The following LRRC72 variants were observed in gnomAD, a reference collection of about 807,000 sequenced individuals.
The protein encoded by LRRC72 is leucine rich repeat containing 72.
LRRC72 carries 41 observed loss-of-function variants against 35.8 expected under a neutral mutation model. The observed-to-expected ratio is 1.15, with a 90% CI of 0.89 to 1.49. The LOEUF (loss-of-function observed/expected upper bound fraction) is 1.49. LRRC72 is among the 40% of genes most tolerant of loss of function. The pLI is 0.00. For missense variants in LRRC72, 389 were observed against 330.7 expected, an observed-to-expected ratio of 1.18 and a Z score of -1.37; for synonymous variants, 118 against 119.2, an observed-to-expected ratio of 0.99 and a Z score of 0.07.
intron 5 of LRRC72, among the ~76,000 whole-genome samples, chr7:16,564,076 G>A (rs1007791177): frequency 1.3e-5 from 2 of 152,158 alleles, no homozygotes; most frequent in Non-Finnish European, 2.9e-5. Flanking sequence ...TCCTCAGAGG[G>A]GAAAGAGAAG....
At chr7:16,556,110 A>G (rs1276687471) in intron 3 of LRRC72, among the ~76,000 whole-genome samples, 5 of 152,174 alleles carry the variant, frequency 3.3e-5, no homozygotes, top group Admixed American at 6.5e-5. Context: ...GGGTACCAGA[A>G]TGATTTCTGA....
intron 7 of LRRC72, among the ~76,000 whole-genome samples, chr7:16,570,249 C>T (rs1782920956): frequency 6.6e-6 from 1 of 152,092 alleles, no homozygotes; most frequent in Non-Finnish European, 1.5e-5. Context: ...TAGGTTATGA[C>T]AAACATGAGT....
intron 7 of LRRC72, among the ~76,000 whole-genome samples, chr7:16,570,026 T>A (rs2128338547): frequency 6.6e-6 from 1 of 150,966 alleles, no homozygotes; most frequent in Non-Finnish European, 1.5e-5. Flanking sequence ...GGAGATTCCT[T>A]CTCAAAAAAG....
At chr7:16,574,093 CAAT>C (rs1467609817) in intron 7 of LRRC72, among the ~76,000 whole-genome samples, 1 of 152,128 alleles carries the variant, frequency 6.6e-6, no homozygotes, top group Non-Finnish European at 1.5e-5. Context: ...ATAAAAACAA[CAAT>C]GAGATACCAA....
intron 1 of LRRC72, among the ~76,000 whole-genome samples, chr7:16,527,418 G>A (rs1181657092): frequency 6.6e-6 from 1 of 151,982 alleles, no homozygotes; most frequent in Non-Finnish European, 1.5e-5. Context: ...GTGAAACGGA[G>A]ATTAAGTAAA....
intron 1 of LRRC72, among the ~76,000 whole-genome samples, chr7:16,528,682 T>G (rs1481669531): frequency 6.6e-6 from 1 of 152,134 alleles, no homozygotes; most frequent in Non-Finnish European, 1.5e-5. Context: ...CAGTTCTCAC[T>G]GCACACCAGG....
At chr7:16,561,801 G>A (rs1364008960) in intron 5 of LRRC72, among the ~76,000 whole-genome samples, 2 of 152,170 alleles carry the variant, frequency 1.3e-5, no homozygotes, top group Non-Finnish European at 2.9e-5. Context: ...GACAACTAAC[G>A]TTATTTGTGC....
At chr7:16,532,886 T>C (rs1480589425) in intron 2 of LRRC72, 2 of 329,902 alleles carry the variant, frequency 6.1e-6, no homozygotes, top group Admixed American at 4.3e-5. Context: ...GGACATCCAG[T>C]TGAATTTGAA....
At chr7:16,551,729 T>C (rs1163370911) in intron 3 of LRRC72, among the ~76,000 whole-genome samples, 1 of 151,654 alleles carries the variant, frequency 6.6e-6, no homozygotes, top group Non-Finnish European at 1.5e-5. Flanking sequence ...CCTTGCCCTA[T>C]GCAGCTCTTC....
intron 1 of LRRC72, chr7:16,530,572 C>T (rs536175478): frequency 6.6e-6 from 1 of 152,334 alleles, no homozygotes; most frequent in African/African-American, 2.4e-5. Context: ...GACCACTTCT[C>T]TATATTTTGA....
chr7:16,543,614 C>T (rs900527582), intron 3 of LRRC72, among the ~76,000 whole-genome samples: 1 of 152,186 alleles, frequency 6.6e-6, no homozygotes, highest in African/African-American at 2.4e-5. Flanking sequence ...CTGTCTAAGC[C>T]AACCAGAATA....
chr7:16,546,557 A>C (rs185925857), intron 3 of LRRC72, among the ~76,000 whole-genome samples: 92 of 152,228 alleles, frequency 6.0e-4, no homozygotes, highest in African/African-American at 2.1e-3. Context: ...ACCTAAGTGA[A>C]AACATGTCAC....
chr7:16,558,864 T>C (rs1402621337), intron 4 of LRRC72, 25 bp from the exon 5 acceptor site: 11 of 1,318,918 alleles, frequency 8.3e-6, no homozygotes, highest in Non-Finnish European at 1.1e-5. Flanking sequence ...TTTAAAATCT[T>C]GTAAAAATAT....
At chr7:16,568,163 C>A (rs1052582737) in intron 7 of LRRC72, among the ~76,000 whole-genome samples, 3 of 152,100 alleles carry the variant, frequency 2.0e-5, no homozygotes, top group African/African-American at 7.2e-5. Flanking sequence ...GCATAAAGTT[C>A]TACAATGTTG....
chr7:16,557,328 A>G, intron 3 of LRRC72, 32 bp from the exon 4 acceptor site: 1 of 754,464 alleles, frequency 1.3e-6, no homozygotes, highest in Non-Finnish European at 1.9e-6. Flanking sequence ...GTTATTATAG[A>G]AAGTATATTG....
chr7:16,561,794 A>G (rs1782748328), intron 5 of LRRC72, among the ~76,000 whole-genome samples: 1 of 152,232 alleles, frequency 6.6e-6, no homozygotes, highest in African/African-American at 2.4e-5. Flanking sequence ...TTTATTAGAC[A>G]ACTAACGTTA....
intron 7 of LRRC72, among the ~76,000 whole-genome samples, chr7:16,576,788 G>A (rs1783048483): frequency 6.6e-6 from 1 of 152,210 alleles, no homozygotes; most frequent in African/African-American, 2.4e-5. Context: ...TTTCCACCAT[G>A]TTTGCTCAAG....
chr7:16,537,681 G>T lies in LRRC72; in HGVS notation c.219G>T (p.Trp73Cys). 6.6e-7 allele frequency: 1 copy of T among 1,509,934 alleles called. No individual in the cohort carries two copies. Among genetic ancestry groups the T allele is most frequent in the Admixed American group, 2.1e-5 (1 of 47,678 alleles). The allele number at this position is 1,509,934 out of a possible 1,614,324, so 93.5% of individuals were successfully genotyped here. The change falls in exon 3 of 9, where the codon TGG becomes TGT. Residue 73 changes from tryptophan (W) to cysteine (C), a missense_variant. By Grantham distance (215) the Trp-to-Cys change is radical (BLOSUM62 -2). Coordinates refer to ENST00000401542, the MANE Select transcript of LRRC72 (RefSeq NM_001195280.2). Reference sequence around the variant, plus strand: ...GGTTTAAAAAATTAAAATACTTATGGCTTCATCATAACAAGGTAGTGTTTT... The same window carrying T: ...GGTTTAAAAAATTAAAATACTTATGTCTTCATCATAACAAGGTAGTGTTTT... The part of the protein sequence containing the change: ...LSRFKKLKYL[W>C]LHHNKLHGIT...
Position 16,539,384 on chromosome 7 carries a change from T to C in LRRC72, c.234+1688T>C, listed in dbSNP as rs577686126. Among the ~76,000 whole-genome samples, 19 of 152,318 alleles carry C rather than the reference T, an allele frequency of 1.2e-4. No individual in the cohort carries two copies. In the South Asian group the frequency reaches 3.5e-3, roughly 28 times the overall value. On this transcript the variant is annotated intron_variant, in intron 3 of 8. Transcript: ENST00000401542. The stretch of plus-strand genomic sequence containing the variant: ...TCTAAGCAGCAAAGTGTTCAAGACA[T>C]AACCTGGCTGATTCCGAAAGCATTC...
Sources: gnomAD v4.1 joint callset for allele counts (sites outside exome capture counted in the v4.1 genomes callset) on GRCh38, gnomAD v4.1.1 for gene constraint, MANE v1.5 for transcripts, NCBI Gene and HGNC (gene_info 2026-07-23, HGNC 2026-07-21) for gene names.